ZC3H12B: variants seen among roughly 807,000 people sequenced by gnomAD.
The protein encoded by ZC3H12B is zinc finger CCCH-type containing 12B.
ZC3H12B carries 7 observed loss-of-function variants against 43.9 expected under a neutral mutation model. That is an observed-to-expected ratio of 0.16 (90% CI 0.09 to 0.30). ZC3H12B has a LOEUF of 0.30. ZC3H12B is among the 10% of genes least tolerant of loss of function. The pLI, the probability that ZC3H12B is intolerant of heterozygous loss-of-function variation, is 1.00. For missense variants in ZC3H12B, 475 were observed against 670.2 expected, an observed-to-expected ratio of 0.71 and a Z score of 3.22; for synonymous variants, 222 against 241.7, an observed-to-expected ratio of 0.92 and a Z score of 0.76.
At chrX:65,392,647 C>T (rs921988454) in intron 2 of ZC3H12B, among the ~76,000 whole-genome samples, 45 of 110,778 alleles carry the variant, frequency 4.1e-4, no homozygotes, top group South Asian at 7.7e-4. Context: ...CGCCTCTGCC[C>T]GGCCTCCCCA....
chrX:65,036,476 C>T, the ZC3H12B span, among the ~76,000 whole-genome samples: 1 of 111,106 alleles, frequency 9.0e-6, no homozygotes, highest in Admixed American at 9.6e-5. Context: ...TATATAGATG[C>T]CATTTATGAT....
chrX:65,293,414 A>G, the ZC3H12B span, among the ~76,000 whole-genome samples: 2 of 110,916 alleles, frequency 1.8e-5, no homozygotes, highest in Admixed American at 9.6e-5. Flanking sequence ...GAAACCAGAG[A>G]AGCAATTCTG....
At chrX:65,211,733 A>AAT in the ZC3H12B span, among the ~76,000 whole-genome samples, 13 of 86,039 alleles carry the variant, frequency 1.5e-4, no homozygotes, top group African/African-American at 5.6e-4. Context: ...TTTATGTAAT[A>AAT]ATATATATAT....
chrX:65,449,529 C>G, intron 3 of ZC3H12B, among the ~76,000 whole-genome samples: 1 of 109,999 alleles, frequency 9.1e-6, no homozygotes, highest in East Asian at 2.9e-4. Flanking sequence ...TGAGGCAGGG[C>G]AATCTCTTGA....
At chrX:65,486,412 G>A (rs1266291369), upstream of ZC3H12B, among the ~76,000 whole-genome samples, 1 of 112,032 alleles carries the variant, frequency 8.9e-6, no homozygotes, top group African/African-American at 3.2e-5. Flanking sequence ...ACAGCCTCTG[G>A]CACTCAGGGA....
intron 2 of ZC3H12B, among the ~76,000 whole-genome samples, chrX:65,392,827 AAG>A (rs1334288653): frequency 8.9e-6 from 1 of 112,985 alleles, no homozygotes; most frequent in Non-Finnish European, 1.9e-5. Context: ...GGGGAAAAGA[AAG>A]AGAGATCGGA....
chrX:65,228,742 GACAA>G, the ZC3H12B span, among the ~76,000 whole-genome samples: 4 of 111,625 alleles, frequency 3.6e-5, no homozygotes, highest in Admixed American at 1.9e-4. Context: ...ACCAATAACA[GACAA>G]ACAGAGAGAA....
At chrX:65,138,501 A>G in the ZC3H12B span, among the ~76,000 whole-genome samples, 1 of 112,196 alleles carries the variant, frequency 8.9e-6, no homozygotes, top group East Asian at 2.8e-4. Context: ...ACTTGTGTTT[A>G]TTTCATATTT....
the ZC3H12B span, among the ~76,000 whole-genome samples, chrX:65,356,228 G>A: frequency 9.0e-6 from 1 of 111,358 alleles, no homozygotes; most frequent in Middle Eastern, 4.6e-3. Flanking sequence ...TTGCACTTTT[G>A]AAGGTTGTTT....
At chrX:65,217,780 A>G in the ZC3H12B span, among the ~76,000 whole-genome samples, 3 of 111,984 alleles carry the variant, frequency 2.7e-5, no homozygotes, top group Non-Finnish European at 5.6e-5. Context: ...GGAAATAGAA[A>G]GAATAAAGCA....
the ZC3H12B span, among the ~76,000 whole-genome samples, chrX:65,160,522 C>A: frequency 9.0e-5 from 10 of 111,726 alleles, no homozygotes; most frequent in Non-Finnish European, 1.7e-4. Flanking sequence ...TTATCCATTT[C>A]TTCTAGATTT....
At chrX:65,342,794 C>T in the ZC3H12B span, among the ~76,000 whole-genome samples, 1 of 85,971 alleles carries the variant, frequency 1.2e-5, no homozygotes, top group Admixed American at 1.3e-4. Flanking sequence ...TAACAGAAGA[C>T]AAGAAATAAT....
At chrX:65,285,109 AATTATT>A in the ZC3H12B span, among the ~76,000 whole-genome samples, 8 of 108,678 alleles carry the variant, frequency 7.4e-5, no homozygotes, top group East Asian at 5.7e-4. Context: ...GCAAGAGAAT[AATTATT>A]ATTATTATTA....
At chrX:65,192,314 T>C in the ZC3H12B span, among the ~76,000 whole-genome samples, 2 of 112,018 alleles carry the variant, frequency 1.8e-5, no homozygotes, top group Non-Finnish European at 3.8e-5. Context: ...TAATTTGACT[T>C]CTTCCATTCC....
the ZC3H12B span, among the ~76,000 whole-genome samples, chrX:65,108,395 A>C: frequency 9.0e-6 from 1 of 110,839 alleles, no homozygotes; most frequent in African/African-American, 3.3e-5. Context: ...TAAGCTTTTC[A>C]ATTTTAATTT....
At chrX:65,476,507 A>G (rs2067993690) in intron 3 of ZC3H12B, among the ~76,000 whole-genome samples, 1 of 111,903 alleles carries the variant, frequency 8.9e-6, no homozygotes, top group Non-Finnish European at 1.9e-5. Context: ...CAGTCACACA[A>G]TAGAGTTTTC....
intron 3 of ZC3H12B, among the ~76,000 whole-genome samples, chrX:65,456,254 A>G (rs1251382630): frequency 9.0e-6 from 1 of 111,634 alleles, no homozygotes; most frequent in Non-Finnish European, 1.9e-5. Flanking sequence ...AGAGACACAC[A>G]TAGGCTCAAA....
chrX:65,196,075 C>T, the ZC3H12B span, among the ~76,000 whole-genome samples: 1 of 111,058 alleles, frequency 9.0e-6, no homozygotes, highest in African/African-American at 3.3e-5. Flanking sequence ...TGTCAGCGGA[C>T]TTTACTCATC....
At chrX:65,172,138 C>T in the ZC3H12B span, among the ~76,000 whole-genome samples, 2 of 112,268 alleles carry the variant, frequency 1.8e-5, no homozygotes, top group Non-Finnish European at 3.8e-5. Context: ...GGAGCTGTTC[C>T]TATTTGGCCA....
Sources: gnomAD v4.1 joint callset for allele counts (sites outside exome capture counted in the v4.1 genomes callset) on GRCh38, gnomAD v4.1.1 for gene constraint, MANE v1.5 for transcripts, NCBI Gene and HGNC (gene_info 2026-07-23, HGNC 2026-07-21) for gene names.